BSN: variants seen among roughly 807,000 people sequenced by gnomAD.
BSN encodes the protein bassoon presynaptic cytomatrix protein.
BSN carries 57 observed loss-of-function variants against 264.8 expected under a neutral mutation model. The observed-to-expected ratio is 0.22, with a 90% CI of 0.17 to 0.27. The LOEUF (loss-of-function observed/expected upper bound fraction) is 0.27, where lower values mean the gene tolerates loss of function less well. BSN is among the 10% of genes least tolerant of loss of function. BSN has a pLI of 1.00. For missense variants in BSN, 4,615 were observed against 5,232.5 expected (o/e 0.88, Z 3.64); for synonymous variants, 2,059 against 2,137.3 (o/e 0.96, Z 1.01).
At chr3:49,565,041 G>A (rs1300177286) in intron 1 of BSN, among the ~76,000 whole-genome samples, 1 of 149,668 alleles carries the variant, frequency 6.7e-6, no homozygotes, top group Non-Finnish European at 1.5e-5. Context: ...GTAGGCTGAA[G>A]TCTCTCCTGC....
chr3:49,606,210 T>TTAAAA (rs2052143206), intron 1 of BSN, among the ~76,000 whole-genome samples: 1 of 57,712 alleles, frequency 1.7e-5, no homozygotes, highest in African/African-American at 7.3e-5. Context: ...ATATTATATA[T>TTAAAA]GTATATATTA....
chr3:49,653,411 G>C lies in BSN; in HGVS notation c.3855G>C (p.Lys1285Asn). 6.2e-7 allele frequency: 1 copy of C among 1,613,924 alleles called. No homozygotes were observed. Among genetic ancestry groups the C allele is most frequent in the South Asian group, 1.1e-5 (1 of 91,076 alleles). ...ACCTGGCTTTTGCTGAGGACAAAAAGAAGGAGAAGCAGTTTCTAAATGCTG... is the reference window on the plus strand; with the variant it reads ...ACCTGGCTTTTGCTGAGGACAAAAACAAGGAGAAGCAGTTTCTAAATGCTG... Reference protein sequence around the residue: ...SRDLAFAEDKKKEKQFLNAES... With the variant: ...SRDLAFAEDKNKEKQFLNAES... Residue 1285 changes from lysine (K) to asparagine (N), a missense_variant, in exon 5 of 12, where the codon AAG becomes AAC. By Grantham distance (94) the Lys-to-Asn change is moderately conservative. Around this residue, in one of 3 missense-constraint regions of BSN, gnomAD observed 3,415 missense variants for 3,866.4 expected, o/e 0.88. Coordinates refer to ENST00000296452, the MANE Select transcript of BSN (RefSeq NM_003458.4). The surrounding 1 kb of genome is among the most constrained non-coding windows in gnomAD (Gnocchi z 6.3).
rs1469615712 is a variant in BSN at position 49,662,615 on chromosome 3, C to G, written c.10717+53C>G. On this transcript the variant is annotated intron_variant, in intron 6 of 11. Coordinates refer to ENST00000296452, the MANE Select transcript of BSN (RefSeq NM_003458.4). ...GGATACTCAGCAGCTGGGGGGCCTGCCTACCTGTGGGGCCCTGGGCCCTAA... is the reference window on the plus strand; with the variant it reads ...GGATACTCAGCAGCTGGGGGGCCTGGCTACCTGTGGGGCCCTGGGCCCTAA... 17 of 1,540,420 alleles carry G rather than the reference C, an allele frequency of 1.1e-5. No individual in the cohort carries two copies. In the East Asian group the frequency reaches 3.8e-4, roughly 35 times the overall value.
rs2051651192 is a variant in BSN at position 49,554,767 on chromosome 3, C to G, written c.165C>G (p.Thr55=). The G allele has an allele frequency of 9.8e-6, 12 of 1,229,502 alleles. No individual in the cohort carries two copies. Among genetic ancestry groups the G allele is most frequent in the Non-Finnish European group, 1.2e-5 (12 of 986,066 alleles). The allele number at this position is 1,229,502 out of a possible 1,614,324, so 76.2% of individuals were successfully genotyped here. ...CCGCGGCGGGAGCAGCGCGGTCGAC[C>G]GCGGTACCACCGGTCCCTGGCCCCG... The part of the protein sequence containing the change: ...QLPAAGAARS[T]AVPPVPGPGP... The change falls in exon 1 of 12, where the codon ACC becomes ACG. Residue 55 remains threonine, a synonymous_variant. Transcript: ENST00000296452.
chr3:49,602,988 G>A (rs1002692071), intron 1 of BSN, among the ~76,000 whole-genome samples: 2 of 152,220 alleles, frequency 1.3e-5, no homozygotes, highest in Non-Finnish European at 2.9e-5. Flanking sequence ...GACATCCCAC[G>A]CAGCTCCCTG....
Position 49,643,140 on chromosome 3 carries a change from C to A in BSN, c.1506C>A (p.Pro502=). 6.2e-7 allele frequency: 1 copy of A among 1,608,134 alleles called. No individual in the cohort carries two copies. Among genetic ancestry groups the A allele is most frequent in the Non-Finnish European group, 8.5e-7 (1 of 1,175,736 alleles). The change falls in exon 3 of 12, where the codon CCC becomes CCA. Residue 502 remains proline, a synonymous_variant. Transcript: ENST00000296452. The stretch of plus-strand genomic sequence containing the variant: ...ACCTGTGTGGCTTCAACCCAACACC[C>A]CACCTGGTGGAGGTAAGAGCTGGAC... ...VCNLCGFNPT[P]HLVEKTEWLC...
rs150170628 is a variant in BSN at position 49,657,142 on chromosome 3, G to A, written c.7586G>A (p.Arg2529Gln). ...LGQPREPVLH[R>Q]GLPSSASDMS... Reference sequence around the variant, plus strand: ...CAGCCTCGTGAGCCTGTGCTGCACCGGGGTCTCCCCAGCTCTGCCTCAGAC... The same window carrying A: ...CAGCCTCGTGAGCCTGTGCTGCACCAGGGTCTCCCCAGCTCTGCCTCAGAC... Residue 2529 changes from arginine (R) to glutamine (Q), a missense_variant, in exon 5 of 12, where the codon CGG becomes CAG. By Grantham distance (43) the Arg-to-Gln change is conservative. This residue lies in a region of BSN where 3,415 missense variants were observed against 3,866.4 expected (regional missense o/e 0.88). Transcript: ENST00000296452. 1.1e-5 allele frequency: 17 copies of A among 1,613,262 alleles called. No individual in the cohort carries two copies. The East Asian group carries it at 2.0e-4, about 19-fold the overall frequency.
At position 49,617,430 on chromosome 3, in the gene BSN, C is replaced by A. The variant is rs571862553; in HGVS notation, c.225-7545C>A. The stretch of plus-strand genomic sequence containing the variant: ...CTCTTGTGTCTCCTTTATGGCGGCA[C>A]CCCTCTCCCCTCCTTGCTTACACAC... On this transcript the variant is annotated intron_variant, in intron 1 of 11. Coordinates refer to ENST00000296452, the MANE Select transcript of BSN (RefSeq NM_003458.4). Among the ~76,000 whole-genome samples, 318 of 151,808 alleles carry A rather than the reference C, an allele frequency of 2.1e-3. 2 individuals are homozygous for A. Among genetic ancestry groups the A allele is most frequent in the Admixed American group, 0.01 (156 of 15,246 alleles).
Position 49,565,856 on chromosome 3 carries a change from C to G in BSN, c.224+11030C>G, listed in dbSNP as rs11926781. ...TTTTTTTTTGAGACGGAGTCTCGCC[C>G]TATTGCCTAGGCTAGAGTGCAGCGG... On this transcript the variant is annotated intron_variant, in intron 1 of 11. Coordinates refer to ENST00000296452, the MANE Select transcript of BSN (RefSeq NM_003458.4). Among the ~76,000 whole-genome samples the G allele has an allele frequency of 2.6e-5, 4 of 152,088 alleles. No individual in the cohort carries two copies. The South Asian group carries it at 8.3e-4, about 32-fold the overall frequency.
intron 11 of BSN, among the ~76,000 whole-genome samples, chr3:49,665,567 T>TG (rs2052706945): frequency 6.6e-6 from 1 of 152,224 alleles, no homozygotes; most frequent in Admixed American, 6.5e-5. Context: ...CCTCACAACT[T>TG]GAAGTCTATG....
intron 1 of BSN, among the ~76,000 whole-genome samples, chr3:49,614,586 C>G (rs1231410263): frequency 6.6e-6 from 1 of 152,158 alleles, no homozygotes; most frequent in African/African-American, 2.4e-5. Context: ...TGAGACACTA[C>G]AAGAATATGG....
chr3:49,607,371 C>T lies in BSN; in HGVS notation c.225-17604C>T, dbSNP rs574424386. Among the ~76,000 whole-genome samples, 10 of 152,302 alleles carry T rather than the reference C, an allele frequency of 6.6e-5. No individual in the cohort carries two copies. In the South Asian group the frequency reaches 2.1e-3, roughly 32 times the overall value. On this transcript the variant is annotated intron_variant, in intron 1 of 11. Transcript: ENST00000296452. ...GGTCCCTCTGTTGGCTCAGTCTGGC[C>T]CAGGCATTCTGGGTGTGGTGATTCA...
chr3:49,600,494 T>C (rs549352268), intron 1 of BSN, among the ~76,000 whole-genome samples: 1 of 152,036 alleles, frequency 6.6e-6, no homozygotes, highest in African/African-American at 2.4e-5. Context: ...GAGGACCAGG[T>C]GCAGTGGCTT....
chr3:49,604,963 A>G (rs1051856758), intron 1 of BSN, among the ~76,000 whole-genome samples: 1 of 151,812 alleles, frequency 6.6e-6, no homozygotes, highest in Non-Finnish European at 1.5e-5. Flanking sequence ...CTCTCCCAAT[A>G]TATTAATATT....
At chr3:49,613,080 T>C (rs1228594438) in intron 1 of BSN, among the ~76,000 whole-genome samples, 2 of 151,756 alleles carry the variant, frequency 1.3e-5, no homozygotes, top group Non-Finnish European at 2.9e-5. Flanking sequence ...TAGCAGTGAG[T>C]AGAGATAGTG....
chr3:49,642,567 G>A lies in BSN; in HGVS notation c.933G>A (p.Lys311=). The change falls in exon 3 of 12, where the codon AAG becomes AAA. Residue 311 remains lysine (K), a synonymous_variant. Transcript: ENST00000296452. This position sits in a 1 kb window ranked among gnomAD's most constrained non-coding sequence, Gnocchi z 7.0. The stretch of plus-strand genomic sequence containing the variant: ...CTCCTCAGCCCCCTCAACCCACCAA[G>A]CCTTCCACAGCTGAGCCCAGGCCAC... ...RVSPQPPQPT[K]PSTAEPRPPA... The A allele has an allele frequency of 6.2e-7, 1 of 1,604,816 alleles. No homozygotes were observed. Among genetic ancestry groups the A allele is most frequent in the Non-Finnish European group, 8.5e-7 (1 of 1,174,492 alleles).
chr3:49,634,492 C>T (rs1442587807), intron 2 of BSN, among the ~76,000 whole-genome samples: 4 of 152,150 alleles, frequency 2.6e-5, no homozygotes, highest in South Asian at 2.1e-4. Flanking sequence ...TCTTGGCTCA[C>T]GGCAACCTCT....
chr3:49,623,924 G>A (rs1198021215), intron 1 of BSN, among the ~76,000 whole-genome samples: 2 of 152,218 alleles, frequency 1.3e-5, no homozygotes, highest in Non-Finnish European at 2.9e-5. Flanking sequence ...CCAGGGTCCT[G>A]CCTCCATAGA....
At chr3:49,610,160 C>T (rs1458209121) in intron 1 of BSN, among the ~76,000 whole-genome samples, 1 of 152,200 alleles carries the variant, frequency 6.6e-6, no homozygotes, top group African/African-American at 2.4e-5. Context: ...TCTGGGAGCC[C>T]CCAGACCACT....
Sources: allele counts gnomAD v4.1 joint callset (sites outside exome capture counted in the v4.1 genomes callset), GRCh38; gene constraint gnomAD v4.1.1; regional missense constraint gnomAD v4.1.1; non-coding constraint Gnocchi (gnomAD v3.1); transcripts MANE v1.5; gene names NCBI Gene and HGNC (gene_info 2026-07-23, HGNC 2026-07-21).